ADCY5: variants seen among roughly 807,000 people sequenced by gnomAD.
ADCY5 encodes adenylate cyclase type 5.
In ADCY5, 30 loss-of-function variants were observed where a neutral mutation model predicts 119.7. The ratio of observed to expected loss-of-function variants is 0.25; its 90% CI spans 0.19 to 0.34. The LOEUF (loss-of-function observed/expected upper bound fraction) is 0.34, where lower values mean the gene tolerates loss of function less well. ADCY5 is among the 10% of genes least tolerant of loss of function. ADCY5 has a pLI of 1.00. For missense variants in ADCY5, 1,324 were observed against 1,775.2 expected, an observed-to-expected ratio of 0.75 and a Z score of 4.57; for synonymous variants, 753 against 762.2, an observed-to-expected ratio of 0.99 and a Z score of 0.20.
At chr3:123,301,600 G>A (rs1939856084) in intron 14 of ADCY5, among the ~76,000 whole-genome samples, 1 of 152,232 alleles carries the variant, frequency 6.6e-6, no homozygotes, top group African/African-American at 2.4e-5. Flanking sequence ...ACCTTTGAGG[G>A]AGGTGGTCAG....
chr3:123,286,120 A>C lies in ADCY5; in HGVS notation c.3657+565T>G, dbSNP rs866638782. ...ATCAGACTGCAGCAGAGAATCAAGG[A>C]AGGCTCAAAAAGCAGCAGCTGAAGA... On this transcript the variant is annotated intron_variant, in intron 20 of 20. Transcript: ENST00000462833. This position sits in a 1 kb window ranked among gnomAD's most constrained non-coding sequence, Gnocchi z 4.2. 2.6e-5 allele frequency among the ~76,000 whole-genome samples: 4 copies of C among 152,166 alleles called. No individual in the cohort carries two copies. In the South Asian group the frequency reaches 6.2e-4, roughly 24 times the overall value.
At chr3:123,439,283 C>T (rs1177776955) in intron 1 of ADCY5, among the ~76,000 whole-genome samples, 3 of 150,934 alleles carry the variant, frequency 2.0e-5, no homozygotes, top group Non-Finnish European at 2.9e-5. Flanking sequence ...AGGATGGTCT[C>T]GATCTCCTGA....
intron 1 of ADCY5, among the ~76,000 whole-genome samples, chr3:123,365,538 G>C (rs531217274): frequency 4.6e-5 from 7 of 152,220 alleles, no homozygotes; most frequent in Admixed American, 6.5e-5. Flanking sequence ...ATTTGAGCCT[G>C]GGTGATGTAT....
intron 3 of ADCY5, among the ~76,000 whole-genome samples, chr3:123,344,116 C>T (rs1942412715): frequency 1.3e-5 from 2 of 152,184 alleles, no homozygotes; most frequent in South Asian, 4.1e-4. Flanking sequence ...TGACACCCCG[C>T]CCTATCCAAG....
rs1489181890 is a variant in ADCY5, at chr3:123,286,911, G to A, written c.3533-102C>T. The A allele has an allele frequency of 4.1e-6, 6 of 1,457,412 alleles. No homozygotes were observed. In the East Asian group the frequency reaches 1.2e-4, roughly 30 times the overall value. The allele number at this position is 1,457,412 out of a possible 1,614,324, so 90.3% of individuals were successfully genotyped here. On this transcript the variant is annotated intron_variant, in intron 19 of 20. Coordinates refer to ENST00000462833, the MANE Select transcript of ADCY5 (RefSeq NM_183357.3). This position sits in a 1 kb window ranked among gnomAD's most constrained non-coding sequence, Gnocchi z 4.2. ...CAGGTCCTTCTGACTCCCAACCTGA[G>A]ACACCCGTGGGCTTCCAGGCCCAAG...
At chr3:123,308,025 GCTC>G (rs1222816317) in intron 12 of ADCY5, among the ~76,000 whole-genome samples, 13 of 117,384 alleles carry the variant, frequency 1.1e-4, no homozygotes, top group African/African-American at 3.6e-4. Context: ...TTTTTTTCAT[GCTC>G]TTTTTTTTTT....
intron 1 of ADCY5, among the ~76,000 whole-genome samples, chr3:123,424,534 C>G (rs770968960): frequency 6.6e-5 from 10 of 152,320 alleles, no homozygotes; most frequent in Admixed American, 3.3e-4. Flanking sequence ...ACACATGAGC[C>G]GTTCCCAGGG....
chr3:123,303,997 G>A (rs1940042399), intron 13 of ADCY5, 70 bp downstream of exon 13: 9 of 1,093,240 alleles, frequency 8.2e-6, no homozygotes, highest in South Asian at 1.3e-5. Flanking sequence ...CCTGCTTGTC[G>A]GGTACATGGC....
rs954316089 is a variant in ADCY5, at chr3:123,284,279, G to A, written c.*329C>T. 8 of 280,940 alleles carry A rather than the reference G, an allele frequency of 2.8e-5. No homozygotes were observed. The highest frequency in any genetic ancestry group is 5.5e-5 in the Non-Finnish European group (8 of 145,986). 17.4% of individuals were successfully genotyped at this position (280,940 alleles called of 1,614,324 possible). ...CCTCAGCCCTGCCCTTGTCTGGGCC[G>A]TGCCACACACACATTCCCACGGCTC... is the stretch of plus-strand genomic sequence containing the variant. On this transcript the variant is annotated 3_prime_UTR_variant, in exon 21 of 21. Coordinates refer to ENST00000462833, the MANE Select transcript of ADCY5 (RefSeq NM_183357.3).
At chr3:123,375,056 C>CCT (rs2107542115) in intron 1 of ADCY5, among the ~76,000 whole-genome samples, 1 of 152,306 alleles carries the variant, frequency 6.6e-6, no homozygotes, top group East Asian at 1.9e-4. Flanking sequence ...AGGAATTAAG[C>CCT]CTCTCACCAT....
intron 16 of ADCY5, among the ~76,000 whole-genome samples, chr3:123,296,489 C>G (rs1339619842): frequency 2.0e-5 from 3 of 152,190 alleles, no homozygotes; most frequent in Non-Finnish European, 2.9e-5. Context: ...TCGGGAGCTC[C>G]CCTCTGGTCA....
chr3:123,327,027 T>C (rs146425752), intron 7 of ADCY5, among the ~76,000 whole-genome samples: 4 of 152,130 alleles, frequency 2.6e-5, no homozygotes, highest in East Asian at 3.9e-4. Flanking sequence ...TAGGGAGAAA[T>C]AGAAAATGTT....
At chr3:123,390,524 AC>A (rs1944374310) in intron 1 of ADCY5, among the ~76,000 whole-genome samples, 1 of 151,578 alleles carries the variant, frequency 6.6e-6, no homozygotes, top group Non-Finnish European at 1.5e-5. Flanking sequence ...CTCTGCATCC[AC>A]AGAGGTGCAT....
intron 2 of ADCY5, among the ~76,000 whole-genome samples, chr3:123,351,800 C>G (rs902479038): frequency 6.6e-6 from 1 of 152,326 alleles, no homozygotes. Context: ...GCTCCCACCC[C>G]ACCCAAGAGT....
At chr3:123,383,852 GGCAC>G (rs1944118627) in intron 1 of ADCY5, among the ~76,000 whole-genome samples, 3 of 149,352 alleles carry the variant, frequency 2.0e-5, no homozygotes, top group South Asian at 4.3e-4. Flanking sequence ...ACTTCCTCAA[GGCAC>G]GCACACACAC....
intron 1 of ADCY5, among the ~76,000 whole-genome samples, chr3:123,396,809 GGC>G (rs1310666895): frequency 0.075 from 6,268 of 84,076 alleles, 547 homozygotes; most frequent in African/African-American, 0.14. Context: ...CAGGCAGGCA[GGC>G]AGGCAGGCGA....
intron 1 of ADCY5, among the ~76,000 whole-genome samples, chr3:123,446,581 C>T (rs1257553315): frequency 1.3e-5 from 2 of 152,228 alleles, no homozygotes; most frequent in Non-Finnish European, 2.9e-5. Context: ...GCCCCTCTCA[C>T]AGAAGCCTTT....
intron 4 of ADCY5, among the ~76,000 whole-genome samples, 174 bp downstream of exon 4, chr3:123,332,390 G>GT (rs1941806664): frequency 6.6e-6 from 1 of 152,384 alleles, no homozygotes; most frequent in East Asian, 1.9e-4. Context: ...CACGCAGGGC[G>GT]TGAGGACACA....
chr3:123,294,689 C>A (rs1939385879), intron 17 of ADCY5, among the ~76,000 whole-genome samples: 2 of 152,182 alleles, frequency 1.3e-5, no homozygotes, highest in African/African-American at 4.8e-5. Context: ...AGGACCTGTG[C>A]ACAGGATCCT....
Sources: allele counts gnomAD v4.1 joint callset (sites outside exome capture counted in the v4.1 genomes callset), GRCh38; gene constraint gnomAD v4.1.1; non-coding constraint Gnocchi (gnomAD v3.1); transcripts MANE v1.5; gene names NCBI Gene and HGNC (gene_info 2026-07-23, HGNC 2026-07-21).